The following PRIM2 variants were observed in gnomAD, a reference collection of about 807,000 sequenced individuals.
PRIM2 encodes the protein DNA primase subunit 2.
Under a neutral mutation model 67.3 loss-of-function variants are expected in PRIM2, and 39 were observed. The observed-to-expected ratio is 0.58, with a 90% CI of 0.45 to 0.76. The LOEUF (loss-of-function observed/expected upper bound fraction) is 0.76. PRIM2 is among the 30% of genes least tolerant of loss of function. PRIM2 has a pLI of 0.00. For synonymous variants in PRIM2, 143 were observed against 198.7 expected (o/e 0.72, Z 2.36); for missense variants, 398 against 598.7 (o/e 0.66, Z 3.50).
At chr6:57,539,656 GTA>G (rs1209100326) in intron 10 of PRIM2, among the ~76,000 whole-genome samples, 6,796 of 70,286 alleles carry the variant, frequency 0.097, 194 homozygotes, top group Non-Finnish European at 0.11. Flanking sequence ...GTGTGTGTGT[GTA>G]TATATATATA....
chr6:57,269,914 G>C, the PRIM2 span, among the ~76,000 whole-genome samples: 1 of 152,096 alleles, frequency 6.6e-6, no homozygotes, highest in Non-Finnish European at 1.5e-5. Flanking sequence ...TTGTTTTTGT[G>C]AGGTTTGTCA....
intron 7 of PRIM2, among the ~76,000 whole-genome samples, chr6:57,442,876 G>GA (rs564261171): frequency 6.7e-6 from 1 of 149,686 alleles, no homozygotes. Context: ...AGGACTCAAA[G>GA]AAAAAAAAAA....
At chr6:57,478,186 C>A (rs1773524076) in intron 7 of PRIM2, among the ~76,000 whole-genome samples, 2 of 152,026 alleles carry the variant, frequency 1.3e-5, no homozygotes, top group Non-Finnish European at 2.9e-5. Context: ...TGCTATACTG[C>A]CTTTTAAAAA....
intron 7 of PRIM2, among the ~76,000 whole-genome samples, chr6:57,454,978 A>G (rs567010941): frequency 2.0e-5 from 3 of 152,018 alleles, no homozygotes; most frequent in Non-Finnish European, 2.9e-5. Context: ...AGATTCTGGT[A>G]TGTTGTGTCT....
At chr6:57,325,321 C>G (rs1767811172) in intron 4 of PRIM2, among the ~76,000 whole-genome samples, 1 of 132,514 alleles carries the variant, frequency 7.5e-6, no homozygotes, top group Admixed American at 8.2e-5. Context: ...TTTTTTTGAG[C>G]TAGGGTCTCA....
chr6:57,390,021 C>G (rs1770278036), intron 7 of PRIM2: 1 of 154,666 alleles, frequency 6.5e-6, no homozygotes, highest in Non-Finnish European at 1.5e-5. Flanking sequence ...TCACGATATG[C>G]AAGCATAACA....
At chr6:57,511,644 G>T (rs2127460953) in intron 8 of PRIM2, among the ~76,000 whole-genome samples, 1 of 151,976 alleles carries the variant, frequency 6.6e-6, no homozygotes, top group Admixed American at 6.6e-5. Context: ...TTCTTTTTTT[G>T]TTGTTTTATT....
chr6:57,527,821 G>A (rs1310115161), intron 8 of PRIM2, among the ~76,000 whole-genome samples: 1 of 152,150 alleles, frequency 6.6e-6, no homozygotes, highest in African/African-American at 2.4e-5. Context: ...GATTATAGAT[G>A]AGTAGAGGAG....
At chr6:57,393,320 C>T (rs956493541) in intron 7 of PRIM2, among the ~76,000 whole-genome samples, 12 of 152,002 alleles carry the variant, frequency 7.9e-5, no homozygotes, top group Non-Finnish European at 1.8e-4. Flanking sequence ...CCAACATCTC[C>T]TGTTTTTTGA....
chr6:57,586,308 G>A (rs1478908274), intron 10 of PRIM2, among the ~76,000 whole-genome samples: 1 of 152,086 alleles, frequency 6.6e-6, no homozygotes, highest in African/African-American at 2.4e-5. Context: ...TAAACATTTC[G>A]ATGATTGAGA....
chr6:57,427,693 G>T (rs1232695843), intron 7 of PRIM2, among the ~76,000 whole-genome samples: 1 of 152,012 alleles, frequency 6.6e-6, no homozygotes, highest in Non-Finnish European at 1.5e-5. Flanking sequence ...TAATTTTTTT[G>T]GGGGGAGATT....
chr6:57,253,852 A>T, the PRIM2 span, among the ~76,000 whole-genome samples: 1 of 152,194 alleles, frequency 6.6e-6, no homozygotes, highest in African/African-American at 2.4e-5. Context: ...AAAGTTGGAA[A>T]GTGGAAAAGT....
In PRIM2 at chr6:57,632,221, T is replaced by A. The variant is rs1402176183; in HGVS notation, c.1299+20T>A. The A allele has an allele frequency of 5.8e-5, 78 of 1,342,680 alleles. No individual in the cohort carries two copies. Among genetic ancestry groups the A allele is most frequent in the Non-Finnish European group, 1.1e-5 (11 of 1,003,610 alleles). The allele number at this position is 1,342,680 out of a possible 1,614,324, so 83.2% of individuals were successfully genotyped here. A position where few individuals can be genotyped will look rare whatever the true frequency, so the allele number is the denominator to read the frequency against. ...CACAATGTAAGTATTTTTTTTAACTTTATATCCTAATTATTTGTCTTTTGT... is the reference window on the plus strand; with the variant it reads ...CACAATGTAAGTATTTTTTTTAACTATATATCCTAATTATTTGTCTTTTGT... On this transcript the variant is annotated intron_variant, in intron 13 of 13. Transcript: ENST00000615550.
intron 7 of PRIM2, among the ~76,000 whole-genome samples, chr6:57,480,123 G>T (rs1581943973): frequency 1.3e-5 from 2 of 152,178 alleles, no homozygotes; most frequent in South Asian, 2.1e-4. Flanking sequence ...CATGACATGT[G>T]TTTAGAGTAT....
chr6:57,285,359 T>C, the PRIM2 span, among the ~76,000 whole-genome samples: 1 of 152,184 alleles, frequency 6.6e-6, no homozygotes, highest in Admixed American at 6.6e-5. Flanking sequence ...TGAACACTGA[T>C]GCGAAAATCC....
At chr6:57,275,292 A>G in the PRIM2 span, among the ~76,000 whole-genome samples, 2 of 152,058 alleles carry the variant, frequency 1.3e-5, no homozygotes, top group East Asian at 1.9e-4. Flanking sequence ...GGGTGAATCA[A>G]ATGAGGCCAG....
Position 57,391,454 on chromosome 6 carries a change from G to T in PRIM2, c.693+9286G>T, listed in dbSNP as rs545944695. 7.2e-4 allele frequency among the ~76,000 whole-genome samples: 109 copies of T among 151,926 alleles called. 1 individual carries two copies. The South Asian group carries it at 0.022, about 31-fold the overall frequency. On this transcript the variant is annotated intron_variant, in intron 7 of 13. Transcript: ENST00000615550. ...AAATTTTTGCCCATTCCTATGTCCA[G>T]ATGGTATTGCCTAAGTTGTCTTCCA...
At chr6:57,380,753 T>C (rs6929901) in intron 6 of PRIM2, among the ~76,000 whole-genome samples, 59,402 of 141,246 alleles carry the variant, frequency 0.42, 12,780 homozygotes, top group South Asian at 0.61. Context: ...TAGAGTGTGG[T>C]GATCAATATT....
At chr6:57,412,951 C>T (rs1467462091) in intron 7 of PRIM2, among the ~76,000 whole-genome samples, 2 of 152,104 alleles carry the variant, frequency 1.3e-5, no homozygotes, top group Non-Finnish European at 1.5e-5. Context: ...GTCTTATCTT[C>T]TCCTTTCTTC....
Sources: gnomAD v4.1 joint callset for allele counts (sites outside exome capture counted in the v4.1 genomes callset) on GRCh38, gnomAD v4.1.1 for gene constraint, MANE v1.5 for transcripts, NCBI Gene and HGNC (gene_info 2026-07-23, HGNC 2026-07-21) for gene names.